Variants in MANBA observed in about 807,000 individuals in gnomAD.
MANBA encodes the protein beta-mannosidase.
Under a neutral mutation model 111.1 loss-of-function variants are expected in MANBA, and 83 were observed. The ratio of observed to expected loss-of-function variants is 0.75; its 90% confidence interval spans 0.63 to 0.90. The LOEUF is 0.90. Ranked by LOEUF, MANBA falls within the 40% of genes least tolerant of loss-of-function variation. MANBA has a pLI of 0.00. For synonymous variants in MANBA, 370 were observed against 378.7 expected, an observed-to-expected ratio of 0.98 and a Z score of 0.27; for missense variants, 1,036 against 1,069.0, an observed-to-expected ratio of 0.97 and a Z score of 0.43.
At chr4:102,735,316 T>C (rs965196744) in intron 1 of MANBA, among the ~76,000 whole-genome samples, 4 of 151,924 alleles carry the variant, frequency 2.6e-5, no homozygotes, top group Non-Finnish European at 5.9e-5. Context: ...CAGACCAACC[T>C]CTTTTCAACC....
At chr4:102,759,736 G>A (rs1410452851) in intron 1 of MANBA, among the ~76,000 whole-genome samples, 1 of 152,144 alleles carries the variant, frequency 6.6e-6, no homozygotes, top group Non-Finnish European at 1.5e-5. Context: ...ATAGTATAGA[G>A]ACCAGGCTAT....
intron 7 of MANBA, among the ~76,000 whole-genome samples, chr4:102,680,468 T>C (rs1486876955): frequency 6.6e-6 from 1 of 152,164 alleles, no homozygotes; most frequent in Non-Finnish European, 1.5e-5. Context: ...AAAATTTTTC[T>C]ACTGTGGCCC....
chr4:102,702,573 A>G (rs1459092006), intron 5 of MANBA, among the ~76,000 whole-genome samples: 1 of 152,088 alleles, frequency 6.6e-6, no homozygotes, highest in African/African-American at 2.4e-5. Flanking sequence ...TTTCCTTCTA[A>G]CAGACAGGAC....
At chr4:102,685,872 T>C (rs1732186237) in intron 7 of MANBA, among the ~76,000 whole-genome samples, 1 of 152,172 alleles carries the variant, frequency 6.6e-6, no homozygotes, top group Non-Finnish European at 1.5e-5. Flanking sequence ...TCTTCCACTG[T>C]AGGACAGTTC....
At position 102,657,741 on chromosome 4, in the gene MANBA, CT is replaced by C. The variant is rs1560752842; in HGVS notation, c.1644del (p.Ala549LeufsTer18). On this transcript the variant is annotated frameshift_variant, in exon 12 of 17. Coordinates refer to ENST00000647097, the MANE Select transcript of MANBA (RefSeq NM_005908.4). LOFTEE classifies it high-confidence loss of function. ...TATCCATATTCAGATGCAAATCGAGCTTTTGGGAAAACTTTCCAGTTCCAGC... is the reference window on the plus strand; with the variant it reads ...TATCCATATTCAGATGCAAATCGAGCTTTGGGAAAACTTTCCAGTTCCAGC... ...SDCWNWKVFPKARFASEYGYQ... is the reference protein window; with the variant it reads ...SDCWNWKVFPXARFASEYGYQ... 6.2e-7 allele frequency: 1 copy of C among 1,613,918 alleles called. No homozygotes were observed. The highest frequency in any genetic ancestry group is 1.3e-5 in the African/African-American group (1 of 75,010).
intron 7 of MANBA, among the ~76,000 whole-genome samples, chr4:102,675,909 T>C (rs1342952295): frequency 6.6e-6 from 1 of 151,030 alleles, no homozygotes; most frequent in Admixed American, 6.6e-5. Context: ...AGGCAGAGTT[T>C]GCAGCGAGCC....
rs1478145738 is a variant in MANBA at position 102,755,090 on chromosome 4, T to C, written c.177+5628A>G. On this transcript the variant is annotated intron_variant, in intron 1 of 16. Transcript: ENST00000647097. ...AACGCCATCCCCATCAAGCTACCAATGACTTTCTTCACAGAATTGGAAAAA... is the reference window on the plus strand; with the variant it reads ...AACGCCATCCCCATCAAGCTACCAACGACTTTCTTCACAGAATTGGAAAAA... Among the ~76,000 whole-genome samples, 3 of 152,280 alleles carry C rather than the reference T, an allele frequency of 2.0e-5. No homozygotes were observed. In the Middle Eastern group the frequency reaches 0.01, roughly 518 times the overall value.
At chr4:102,752,422 G>A in intron 1 of MANBA, 1 of 916,490 alleles carries the variant, frequency 1.1e-6, no homozygotes, top group Admixed American at 1.7e-5. Flanking sequence ...CGTGACATTA[G>A]TAAAATGGTC....
At chr4:102,749,395 C>T (rs1723704020) in intron 1 of MANBA, among the ~76,000 whole-genome samples, 1 of 152,134 alleles carries the variant, frequency 6.6e-6, no homozygotes, top group Non-Finnish European at 1.5e-5. Context: ...ACGGAGAATA[C>T]AGAAAGAAGT....
chr4:102,634,794 C>A lies in MANBA; in HGVS notation c.2409G>T (p.Gln803His), dbSNP rs1290511795. ...PKEAVGLCKA[Q>H]ITAIISQQGD... ...CGCCATGACCTGTGCTTACAGTGAT[C>A]TGCGCCTTGCAGAGCCCCACGGCCT... Residue 803 changes from glutamine to histidine, a missense_variant, in exon 16 of 17, where the codon CAG (glutamine) becomes CAT (histidine). Physicochemically the swap from Gln to His is conservative, Grantham distance 24. Coordinates refer to ENST00000647097, the MANE Select transcript of MANBA (RefSeq NM_005908.4). 6.2e-7 allele frequency: 1 copy of A among 1,613,592 alleles called. No individual in the cohort carries two copies. The highest frequency in any genetic ancestry group is 1.1e-5 in the South Asian group (1 of 91,046).
chr4:102,687,902 G>T (rs1578902980), intron 7 of MANBA, among the ~76,000 whole-genome samples: 1 of 152,058 alleles, frequency 6.6e-6, no homozygotes, highest in South Asian at 2.1e-4. Flanking sequence ...CAACTCTACG[G>T]CAGCCACAGC....
At chr4:102,695,580 T>C (rs1350815583) in intron 5 of MANBA, among the ~76,000 whole-genome samples, 1 of 152,148 alleles carries the variant, frequency 6.6e-6, no homozygotes, top group African/African-American at 2.4e-5. Context: ...CCACAAAATG[T>C]TCGAGGTAGA....
At chr4:102,727,635 C>T in intron 1 of MANBA, 1 of 1,529,140 alleles carries the variant, frequency 6.5e-7, no homozygotes, top group South Asian at 1.1e-5. Flanking sequence ...TGTTGTATTC[C>T]CATTGTGTTT....
chr4:102,693,928 AATAT>A (rs1274683900), intron 5 of MANBA, among the ~76,000 whole-genome samples: 1 of 152,142 alleles, frequency 6.6e-6, no homozygotes, highest in African/African-American at 2.4e-5. Flanking sequence ...CTGAATTTGA[AATAT>A]ACTTCTCCTT....
At chr4:102,651,483 C>A (rs750308301) in intron 12 of MANBA, among the ~76,000 whole-genome samples, 13 of 152,026 alleles carry the variant, frequency 8.6e-5, no homozygotes, top group Non-Finnish European at 1.6e-4. Flanking sequence ...GGCTTCTAGG[C>A]CTATAATTTA....
intron 15 of MANBA, 68 bp downstream of exon 15, chr4:102,635,797 T>G: frequency 6.7e-7 from 1 of 1,485,696 alleles, no homozygotes; most frequent in Middle Eastern, 1.7e-4. Context: ...CAAAAGAATG[T>G]AACCAAACAA....
intron 13 of MANBA, among the ~76,000 whole-genome samples, chr4:102,647,457 A>G (rs1730152258): frequency 6.6e-6 from 1 of 151,726 alleles, no homozygotes; most frequent in Non-Finnish European, 1.5e-5. Flanking sequence ...AATTATTTCT[A>G]TCAGTTCTTG....
intron 13 of MANBA, among the ~76,000 whole-genome samples, chr4:102,640,540 T>C (rs1316403166): frequency 3.3e-5 from 5 of 152,150 alleles, no homozygotes; most frequent in Admixed American, 6.5e-5. Context: ...ATCAGTCTCT[T>C]TTATCGCTGC....
At chr4:102,751,421 T>C in intron 1 of MANBA, 1 of 481,100 alleles carries the variant, frequency 2.1e-6, no homozygotes, top group Non-Finnish European at 4.2e-6. Context: ...TCCAAACACA[T>C]TTCTACACCG....
Sources: gnomAD v4.1 joint callset for allele counts (sites outside exome capture counted in the v4.1 genomes callset) on GRCh38, gnomAD v4.1.1 for gene constraint, MANE v1.5 for transcripts, NCBI Gene and HGNC (gene_info 2026-07-23, HGNC 2026-07-21) for gene names.